Variants in KCNN3 observed in about 807,000 individuals in gnomAD.
KCNN3 encodes the protein small conductance calcium-activated potassium channel protein 3.
Under a neutral mutation model 62.9 loss-of-function variants are expected in KCNN3, and 16 were observed. That is an observed-to-expected ratio of 0.25 (90% CI 0.17 to 0.39). The LOEUF is 0.39. KCNN3 is among the 10% of genes least tolerant of loss of function. KCNN3 has a pLI of 1.00. For synonymous variants in KCNN3, 370 were observed against 389.2 expected (o/e 0.95, Z 0.58); for missense variants, 599 against 949.4 (o/e 0.63, Z 4.85).
chr1:154,849,912 C>G (rs1490254613), intron 1 of KCNN3, among the ~76,000 whole-genome samples: 2 of 152,174 alleles, frequency 1.3e-5, no homozygotes, highest in Non-Finnish European at 2.9e-5. Context: ...AAAATGTCTC[C>G]AGGCATTGCT....
chr1:154,840,564 A>T (rs575906640), intron 1 of KCNN3, among the ~76,000 whole-genome samples: 92 of 152,350 alleles, frequency 6.0e-4, no homozygotes, highest in Admixed American at 1.0e-3. Context: ...AAAGGAAAAT[A>T]AACAGGGAGC....
rs550918558 is a variant in KCNN3 at position 154,720,004 on chromosome 1, T to C, written c.1702-5001A>G. Among the ~76,000 whole-genome samples, 6 of 152,286 alleles carry C rather than the reference T, an allele frequency of 3.9e-5. No homozygotes were observed. The South Asian group carries it at 6.2e-4, about 16-fold the overall frequency. On this transcript the variant is annotated intron_variant, in intron 5 of 7. Transcript: ENST00000271915. ...TGAGGTTCTCCCTGTAGCAATATGG[T>C]AATGGGTGGTGGATAATTCTATAAT...
intron 1 of KCNN3, among the ~76,000 whole-genome samples, chr1:154,828,079 G>C (rs1410075026): frequency 1.3e-5 from 2 of 152,172 alleles, no homozygotes; most frequent in African/African-American, 4.8e-5. Flanking sequence ...ACCAGCCTGA[G>C]AAGGGAGAAG....
intron 2 of KCNN3, among the ~76,000 whole-genome samples, chr1:154,821,556 G>T (rs369139362): frequency 6.6e-6 from 1 of 152,156 alleles, no homozygotes; most frequent in South Asian, 2.1e-4. Context: ...AGGCCTTCTC[G>T]GCCACAGCAG....
chr1:154,750,034 G>C (rs752610117), intron 3 of KCNN3, among the ~76,000 whole-genome samples: 27 of 152,172 alleles, frequency 1.8e-4, no homozygotes, highest in Non-Finnish European at 3.7e-4. Flanking sequence ...GTTTCTCAGG[G>C]GCTGGTCCGG....
chr1:154,865,853 G>T (rs1205991672), intron 1 of KCNN3, among the ~76,000 whole-genome samples: 1 of 152,170 alleles, frequency 6.6e-6, no homozygotes. Context: ...AAAAAAGTTT[G>T]TCACCTCCCA....
At position 154,808,708 on chromosome 1, in the gene KCNN3, C is replaced by T. The variant is rs369162468; in HGVS notation, c.1029+13381G>A. On this transcript the variant is annotated intron_variant, in intron 2 of 7. Transcript: ENST00000271915. The stretch of plus-strand genomic sequence containing the variant: ...AACAGCAGCAGGAAGACAAATATCG[C>T]CCTGCCCACTCCCCCGCCTCCCATT... Among the ~76,000 whole-genome samples, 366 of 152,058 alleles carry T rather than the reference C, an allele frequency of 2.4e-3. 22 individuals carry two copies. In the South Asian group the frequency reaches 0.075, roughly 31 times the overall value.
chr1:154,755,460 CAAGAAAGAAAGG>C (rs1326540420), intron 3 of KCNN3, among the ~76,000 whole-genome samples: 8 of 79,046 alleles, frequency 1.0e-4, no homozygotes, highest in Admixed American at 7.6e-4. Flanking sequence ...CAAAGTGAGA[CAAGAAAGAAAGG>C]AAGAAAGGAA....
intron 3 of KCNN3, among the ~76,000 whole-genome samples, chr1:154,755,753 AAGG>A (rs1310105468): frequency 1.1e-3 from 157 of 137,342 alleles, no homozygotes; most frequent in African/African-American, 4.1e-3. Context: ...AAAGAAGAAG[AAGG>A]AGGAGGAGAG....
At chr1:154,756,470 T>C (rs1159180076) in intron 3 of KCNN3, among the ~76,000 whole-genome samples, 1 of 151,980 alleles carries the variant, frequency 6.6e-6, no homozygotes, top group African/African-American at 2.4e-5. Context: ...CTTCTGCGGC[T>C]CAGTCCCTGC....
At chr1:154,866,543 T>C (rs1049575029) in intron 1 of KCNN3, among the ~76,000 whole-genome samples, 2 of 152,192 alleles carry the variant, frequency 1.3e-5, no homozygotes, top group Non-Finnish European at 2.9e-5. Flanking sequence ...GGGATATCTA[T>C]CTTGGCCCTG....
At chr1:154,847,415 C>T (rs1053765090) in intron 1 of KCNN3, among the ~76,000 whole-genome samples, 1 of 152,208 alleles carries the variant, frequency 6.6e-6, no homozygotes, top group Non-Finnish European at 1.5e-5. Context: ...CCGAGGACCA[C>T]GGGGAGTCAC....
At chr1:154,779,967 G>A (rs1418965252) in intron 2 of KCNN3, among the ~76,000 whole-genome samples, 3 of 152,100 alleles carry the variant, frequency 2.0e-5, no homozygotes, top group Non-Finnish European at 4.4e-5. Context: ...GTCATCACCA[G>A]CTCACCACAA....
At chr1:154,859,876 T>C in intron 1 of KCNN3, 3 of 1,515,872 alleles carry the variant, frequency 2.0e-6, no homozygotes, top group Non-Finnish European at 2.7e-6. Context: ...TCCTGTCCTT[T>C]AAGAAAAATG....
At chr1:154,842,637 C>A (rs930872120) in intron 1 of KCNN3, among the ~76,000 whole-genome samples, 497 of 20,748 alleles carry the variant, frequency 0.024, 2 homozygotes, top group Middle Eastern at 0.1. Context: ...GGACCCCCCC[C>A]CCGCCACCAC....
chr1:154,730,130 T>C (rs1249413362), intron 4 of KCNN3, among the ~76,000 whole-genome samples: 1 of 152,242 alleles, frequency 6.6e-6, no homozygotes, highest in African/African-American at 2.4e-5. Context: ...ATTGACAGCT[T>C]TCTCTCTACT....
chr1:154,752,151 A>T (rs1647408280), intron 3 of KCNN3, among the ~76,000 whole-genome samples: 1 of 152,154 alleles, frequency 6.6e-6, no homozygotes, highest in Admixed American at 6.5e-5. Context: ...GATAAGGAAG[A>T]TGATGACAAT....
At chr1:154,861,098 G>A (rs1194458249) in intron 1 of KCNN3, among the ~76,000 whole-genome samples, 1 of 152,030 alleles carries the variant, frequency 6.6e-6, no homozygotes, top group Non-Finnish European at 1.5e-5. Context: ...GGGATAACAG[G>A]CGTGAGCCAC....
At chr1:154,817,236 T>C (rs992464353) in intron 2 of KCNN3, among the ~76,000 whole-genome samples, 1 of 152,192 alleles carries the variant, frequency 6.6e-6, no homozygotes, top group African/African-American at 2.4e-5. Context: ...AAGCATTTAA[T>C]AGGGACTTAT....
Sources: gnomAD v4.1 joint callset for allele counts (sites outside exome capture counted in the v4.1 genomes callset) on GRCh38, gnomAD v4.1.1 for gene constraint, MANE v1.5 for transcripts, NCBI Gene and HGNC (gene_info 2026-07-23, HGNC 2026-07-21) for gene names.